FNBP1: variants seen among roughly 807,000 people sequenced by gnomAD.
The protein encoded by FNBP1 is formin binding protein 1.
FNBP1 carries 26 observed loss-of-function variants against 90.6 expected under a neutral mutation model. The observed-to-expected ratio is 0.29, with a 90% confidence interval of 0.21 to 0.40. The LOEUF is 0.40. FNBP1 is among the 10% of genes least tolerant of loss of function. The probability of loss-of-function intolerance (pLI) is 1.00; values close to 1 mark genes in which losing one functional copy is unlikely to be tolerated. For missense variants in FNBP1, 635 were observed against 768.0 expected (o/e 0.83, Z 2.05); for synonymous variants, 260 against 265.2 (o/e 0.98, Z 0.19).
intron 10 of FNBP1, among the ~76,000 whole-genome samples, chr9:129,923,303 G>A (rs764132765): frequency 2.0e-5 from 3 of 151,960 alleles, no homozygotes; most frequent in East Asian, 3.9e-4. Flanking sequence ...GAAAAAGGCC[G>A]GGCGCAGTGG....
rs1342837263 is a variant in FNBP1, at chr9:129,931,489, C to T, written c.514-1794G>A. On this transcript the variant is annotated intron_variant, in intron 6 of 16. Transcript: ENST00000446176. ...GGTGTGGTGGTGGGTGCCTGTAGTCCCAGCTACTCGGGAGGCTGAGGCACG... is the reference window on the plus strand; with the variant it reads ...GGTGTGGTGGTGGGTGCCTGTAGTCTCAGCTACTCGGGAGGCTGAGGCACG... Among the ~76,000 whole-genome samples, 3 of 151,848 alleles carry T rather than the reference C, an allele frequency of 2.0e-5. No homozygotes were observed. The East Asian group carries it at 5.8e-4, about 29-fold the overall frequency.
upstream of FNBP1, chr9:130,044,594 C>T (rs558744486): frequency 6.6e-6 from 1 of 152,168 alleles, no homozygotes; most frequent in African/African-American, 2.4e-5. Flanking sequence ...GTGCCATTGC[C>T]CTCCAGCTTG....
Position 130,042,586 on chromosome 9 carries a change from C to G in FNBP1, c.24+366G>C, listed in dbSNP as rs1414663198. Among the ~76,000 whole-genome samples the G allele has an allele frequency of 6.6e-6, 1 of 151,712 alleles. No homozygotes were observed. Among genetic ancestry groups the G allele is most frequent in the Non-Finnish European group, 1.5e-5 (1 of 67,878 alleles). Reference sequence around the variant, plus strand: ...CAGCGCCGCGCAGCCGGGGCCTCCACGCCCCCACGCCCGGTCCCGGCCCTC... The same window carrying G: ...CAGCGCCGCGCAGCCGGGGCCTCCAGGCCCCCACGCCCGGTCCCGGCCCTC... On this transcript the variant is annotated intron_variant, in intron 1 of 16. Transcript: ENST00000446176. The surrounding 1 kb of genome is among the most constrained non-coding windows in gnomAD (Gnocchi z 5.5).
At chr9:130,046,177 CT>C (rs2060058733), upstream of FNBP1, among the ~76,000 whole-genome samples, 1 of 152,074 alleles carries the variant, frequency 6.6e-6, no homozygotes, top group African/African-American at 2.4e-5. Flanking sequence ...AATGAGATGA[CT>C]GATGGCTGAC....
At chr9:129,919,077 C>G in intron 10 of FNBP1, 1 of 468,470 alleles carries the variant, frequency 2.1e-6, no homozygotes, top group Admixed American at 2.5e-5. Flanking sequence ...ACAAGTGCCT[C>G]TGGGTCCCCA....
At chr9:130,012,697 T>C (rs1262518716) in intron 1 of FNBP1, among the ~76,000 whole-genome samples, 3 of 152,130 alleles carry the variant, frequency 2.0e-5, no homozygotes, top group African/African-American at 7.2e-5. Context: ...TGGAGTGCAG[T>C]GGTGCGATCT....
chr9:129,889,248 C>T lies in FNBP1; in HGVS notation c.*1291G>A, dbSNP rs922055136. ...GGCGGCGGGATCCCTCAAAGGACCA[C>T]GAGAGGCACGGGGTCTTTGGTGATG... On this transcript the variant is annotated 3_prime_UTR_variant, in exon 17 of 17. Coordinates refer to ENST00000446176, the MANE Select transcript of FNBP1 (RefSeq NM_015033.3). 1.0e-5 allele frequency: 2 copies of T among 194,804 alleles called. No homozygotes were observed. Among genetic ancestry groups the T allele is most frequent in the Admixed American group, 6.1e-5 (1 of 16,410 alleles). 12.1% of individuals were successfully genotyped at this position (194,804 alleles called of 1,614,324 possible).
At chr9:129,916,005 T>C (rs2040200309) in intron 10 of FNBP1, 25 bp from the exon 11 acceptor site, 2 of 1,581,202 alleles carry the variant, frequency 1.3e-6, no homozygotes, top group Non-Finnish European at 1.7e-6. Flanking sequence ...TGGAGAGGTA[T>C]GGGAAAAATA....
chr9:129,889,791 G>C lies in FNBP1; in HGVS notation c.*748C>G. The C allele has an allele frequency of 4.3e-6, 1 of 232,602 alleles. No homozygotes were observed. Among genetic ancestry groups the C allele is most frequent in the Non-Finnish European group, 8.5e-6 (1 of 117,602 alleles). 14.4% of individuals were successfully genotyped at this position (232,602 alleles called of 1,614,324 possible). A position where few individuals can be genotyped will look rare whatever the true frequency, so the allele number is the denominator to read the frequency against. ...CCGGTGGACACAGGCGAGTCAACAA[G>C]GCGAGCTGGAATTCGACTTCCAGTG... On this transcript the variant is annotated 3_prime_UTR_variant, in exon 17 of 17. Transcript: ENST00000446176.
rs996070488 is a variant in FNBP1 at position 129,985,717 on chromosome 9, T to G, written c.141-6343A>C. On this transcript the variant is annotated intron_variant, in intron 2 of 16. Coordinates refer to ENST00000446176, the MANE Select transcript of FNBP1 (RefSeq NM_015033.3). ...TGGCTCATGCCTATAATCCCAGCAC[T>G]CTGGGAGGCCGAGGCAGGTGGATCA... Among the ~76,000 whole-genome samples, 34 of 150,634 alleles carry G rather than the reference T, an allele frequency of 2.3e-4. 1 individual carries two copies. Among genetic ancestry groups the G allele is most frequent in the African/African-American group, 7.8e-4 (32 of 40,852 alleles).
intron 11 of FNBP1, 83 bp from the exon 12 acceptor site, chr9:129,909,082 G>GA (rs773318755): frequency 3.8e-5 from 33 of 878,638 alleles, no homozygotes; most frequent in Admixed American, 1.0e-4. Context: ...TGCAGCCATG[G>GA]GGGGTGCAGA....
At chr9:129,941,804 C>T (rs1462586742) in intron 6 of FNBP1, among the ~76,000 whole-genome samples, 2 of 152,044 alleles carry the variant, frequency 1.3e-5, no homozygotes, top group African/African-American at 4.8e-5. Context: ...GGTGCAGTGG[C>T]TCACGCCTGT....
intron 13 of FNBP1, among the ~76,000 whole-genome samples, chr9:129,901,704 G>A (rs1383796523): frequency 6.6e-6 from 1 of 152,026 alleles, no homozygotes; most frequent in Non-Finnish European, 1.5e-5. Context: ...CTGAGGTCAG[G>A]AGTTCGAGAC....
intron 6 of FNBP1, among the ~76,000 whole-genome samples, chr9:129,942,161 A>G (rs1209327482): frequency 2.6e-5 from 4 of 152,212 alleles, no homozygotes; most frequent in Non-Finnish European, 5.9e-5. Flanking sequence ...AAACTATCAC[A>G]TTAGAGGGAG....
intron 2 of FNBP1, among the ~76,000 whole-genome samples, chr9:129,989,771 C>T (rs2052833575): frequency 6.6e-6 from 1 of 152,190 alleles, no homozygotes; most frequent in Admixed American, 6.5e-5. Context: ...AGGCCGGGTG[C>T]TCACACCTGT....
At chr9:129,991,102 G>A (rs1166189557) in intron 2 of FNBP1, among the ~76,000 whole-genome samples, 1 of 150,978 alleles carries the variant, frequency 6.6e-6, no homozygotes, top group Admixed American at 6.6e-5. Flanking sequence ...CCTGGCTAAT[G>A]TTTTTGTATT....
At chr9:130,018,963 G>A (rs2057532945) in intron 1 of FNBP1, among the ~76,000 whole-genome samples, 1 of 151,970 alleles carries the variant, frequency 6.6e-6, no homozygotes, top group Non-Finnish European at 1.5e-5. Context: ...AGAGACTCAC[G>A]CCTGTAATCC....
chr9:129,941,878 C>G (rs368885277), intron 6 of FNBP1, among the ~76,000 whole-genome samples: 1 of 152,142 alleles, frequency 6.6e-6, no homozygotes, highest in Non-Finnish European at 1.5e-5. Context: ...CAAGACCCCC[C>G]TGGCTGACAT....
chr9:130,002,449 A>G (rs1241260727), intron 1 of FNBP1, among the ~76,000 whole-genome samples: 1 of 152,176 alleles, frequency 6.6e-6, no homozygotes. Context: ...TCCTTGACGT[A>G]ATGGGTGAGT....
Sources: allele counts gnomAD v4.1 joint callset (sites outside exome capture counted in the v4.1 genomes callset), GRCh38; gene constraint gnomAD v4.1.1; non-coding constraint Gnocchi (gnomAD v3.1); transcripts MANE v1.5; gene names NCBI Gene and HGNC (gene_info 2026-07-23, HGNC 2026-07-21).